The following TMEM207 variants were observed in gnomAD, a reference collection of about 807,000 sequenced individuals.
The protein encoded by TMEM207 is transmembrane protein 207, also known as SRSR846.
A neutral mutation model predicts 17.4 loss-of-function variants in TMEM207; 15 were observed. The ratio of observed to expected loss-of-function variants is 0.86; its 90% CI spans 0.58 to 1.33. TMEM207 has a LOEUF of 1.33. Among genes scored for constraint, TMEM207 ranks in the 40% most tolerant of loss-of-function variants. TMEM207 has a pLI of 0.00. For missense variants in TMEM207, 205 were observed against 173.8 expected (o/e 1.18, Z -1.01); for synonymous variants, 70 against 65.6 (o/e 1.07, Z -0.33).
intron 1 of TMEM207, among the ~76,000 whole-genome samples, chr3:190,448,596 G>A (rs770218100): frequency 1.3e-5 from 2 of 152,112 alleles, no homozygotes; most frequent in Non-Finnish European, 2.9e-5. Context: ...CCTTGTACAA[G>A]GAGAAAGTCT....
At chr3:190,436,542 G>A (rs1008672450) in intron 4 of TMEM207, among the ~76,000 whole-genome samples, 6 of 152,226 alleles carry the variant, frequency 3.9e-5, no homozygotes, top group African/African-American at 1.4e-4. Context: ...TGTGGGAGCT[G>A]TGGAGGTAGA....
intron 4 of TMEM207, among the ~76,000 whole-genome samples, chr3:190,436,481 G>A (rs112865640): frequency 7.2e-5 from 11 of 152,186 alleles, no homozygotes; most frequent in African/African-American, 1.2e-4. Flanking sequence ...TGGTGTGGGC[G>A]TATGAATCCT....
At chr3:190,441,978 G>A (rs1719946272) in intron 2 of TMEM207, among the ~76,000 whole-genome samples, 1 of 152,174 alleles carries the variant, frequency 6.6e-6, no homozygotes, top group African/African-American at 2.4e-5. Context: ...AAAGAAATTA[G>A]GCTAGGAGGA....
chr3:190,447,960 T>C (rs1720086333), intron 1 of TMEM207, 133 bp from the exon 2 acceptor site: 1 of 702,212 alleles, frequency 1.4e-6, no homozygotes, highest in Admixed American at 3.6e-5. Flanking sequence ...TATAGCAGAG[T>C]TTATTGTTGG....
chr3:190,447,211 A>G (rs1720070780), intron 2 of TMEM207, among the ~76,000 whole-genome samples: 1 of 152,156 alleles, frequency 6.6e-6, no homozygotes, highest in African/African-American at 2.4e-5. Flanking sequence ...ACTAAATCAC[A>G]ATGAATTACA....
At chr3:190,434,173 A>G (rs570698542) in intron 4 of TMEM207, among the ~76,000 whole-genome samples, 1 of 152,156 alleles carries the variant, frequency 6.6e-6, no homozygotes, top group African/African-American at 2.4e-5. Flanking sequence ...TTGTATTATC[A>G]CTTAGGAGAT....
intron 4 of TMEM207, among the ~76,000 whole-genome samples, chr3:190,435,726 A>C (rs932996284): frequency 3.9e-5 from 6 of 152,216 alleles, no homozygotes; most frequent in Non-Finnish European, 7.3e-5. Context: ...CTAAAGACTG[A>C]ATCAGCAGAG....
intron 4 of TMEM207, among the ~76,000 whole-genome samples, chr3:190,437,954 T>G (rs1464403458): frequency 6.6e-6 from 1 of 151,726 alleles, no homozygotes; most frequent in African/African-American, 2.4e-5. Context: ...TGTAGGGACA[T>G]GGATGAAATT....
At chr3:190,430,951 T>C (rs1024612469) in intron 4 of TMEM207, among the ~76,000 whole-genome samples, 60 of 152,184 alleles carry the variant, frequency 3.9e-4, no homozygotes, top group African/African-American at 1.4e-3. Flanking sequence ...TAGGCATTAG[T>C]TGCTTCACTA....
At chr3:190,445,975 G>A (rs1435872622) in intron 2 of TMEM207, among the ~76,000 whole-genome samples, 1 of 152,160 alleles carries the variant, frequency 6.6e-6, no homozygotes, top group Non-Finnish European at 1.5e-5. Context: ...GGCGATCCAT[G>A]TTTCATGTTT....
intron 4 of TMEM207, among the ~76,000 whole-genome samples, chr3:190,432,427 TA>T (rs1165883525): frequency 6.6e-6 from 1 of 152,116 alleles, no homozygotes; most frequent in Non-Finnish European, 1.5e-5. Flanking sequence ...CATAGAGTGG[TA>T]AGGAAGAATA....
In TMEM207 at chr3:190,429,635, C is replaced by T; in HGVS notation, c.401G>A (p.Gly134Asp). ...PVPAPCFGPL[G>D]SPPPYEEIVK... ...AATTTCTTCATATGGAGGTGGGGAG[C>T]CTAAAGGGCCAAAACATGGAGCAGG... Residue 134 changes from glycine (G) to aspartate (D), a missense_variant, in exon 5 of 5, where the codon GGC becomes GAC. Coordinates refer to ENST00000354905, the MANE Select transcript of TMEM207 (RefSeq NM_207316.3). 6.2e-7 allele frequency: 1 copy of T among 1,613,182 alleles called. No individual in the cohort carries two copies. The highest frequency in any genetic ancestry group is 8.5e-7 in the Non-Finnish European group (1 of 1,179,560).
intron 4 of TMEM207, among the ~76,000 whole-genome samples, chr3:190,435,927 C>G (rs1028907495): frequency 2.0e-5 from 3 of 152,150 alleles, no homozygotes; most frequent in Non-Finnish European, 4.4e-5. Flanking sequence ...TTTAGTATTT[C>G]TAATCAGAAT....
intron 3 of TMEM207, 38 bp from the exon 4 acceptor site, chr3:190,440,427 G>C (rs779114073): frequency 3.8e-6 from 6 of 1,583,594 alleles, no homozygotes; most frequent in Non-Finnish European, 4.3e-6. Flanking sequence ...ATGAGGTAGA[G>C]TATGCAGGGA....
At chr3:190,436,671 G>A (rs545207400) in intron 4 of TMEM207, among the ~76,000 whole-genome samples, 1 of 152,274 alleles carries the variant, frequency 6.6e-6, no homozygotes, top group South Asian at 2.1e-4. Context: ...TGATTTGTAT[G>A]GAGAAGTGAA....
chr3:190,429,701 C>A lies in TMEM207; in HGVS notation c.335G>T (p.Gly112Val), dbSNP rs149748302. The part of the protein sequence containing the change: ...GTEAAVSPTV[G>V]IHLQTQTPDL... ...AGGGGTTTGAGTTTGAAGGTGAATT[C>A]CAACAGTTGGACTCACAGCTGCTTC... is the stretch of plus-strand genomic sequence containing the variant. The change falls in exon 5 of 5, where the codon GGA becomes GTA. Residue 112 changes from glycine to valine, a missense_variant. By Grantham distance (109) the Gly-to-Val change is moderately radical. Transcript: ENST00000354905. The A allele has an allele frequency of 1.9e-6, 3 of 1,611,186 alleles. No homozygotes were observed. Among genetic ancestry groups the A allele is most frequent in the Non-Finnish European group, 2.5e-6 (3 of 1,178,760 alleles).
At chr3:190,449,155 A>G (rs1438984181) in intron 1 of TMEM207, among the ~76,000 whole-genome samples, 4 of 152,222 alleles carry the variant, frequency 2.6e-5, no homozygotes, top group Non-Finnish European at 5.9e-5. Flanking sequence ...CACTGCCAAC[A>G]CATTAGCTGT....
chr3:190,430,519 T>A (rs973197964), intron 4 of TMEM207, among the ~76,000 whole-genome samples: 10 of 149,564 alleles, frequency 6.7e-5, no homozygotes, highest in South Asian at 4.2e-4. Context: ...AAAGATGGTT[T>A]TATATATATA....
At chr3:190,434,824 A>T (rs1166758645) in intron 4 of TMEM207, among the ~76,000 whole-genome samples, 2 of 152,220 alleles carry the variant, frequency 1.3e-5, no homozygotes, top group Non-Finnish European at 2.9e-5. Flanking sequence ...GATCCAGAAG[A>T]TGAGTGAAGT....
Sources: gnomAD v4.1 joint callset for allele counts (sites outside exome capture counted in the v4.1 genomes callset) on GRCh38, gnomAD v4.1.1 for gene constraint, MANE v1.5 for transcripts, NCBI Gene and HGNC (gene_info 2026-07-23, HGNC 2026-07-21) for gene names.